The following PTPRT variants were observed in gnomAD, a reference collection of about 807,000 sequenced individuals.
PTPRT encodes the protein receptor-type tyrosine-protein phosphatase T.
In PTPRT, 56 loss-of-function variants were observed where a neutral mutation model predicts 176.8. The ratio of observed to expected loss-of-function variants is 0.32; its 90% CI spans 0.26 to 0.40. PTPRT has a LOEUF of 0.40. Ranked by LOEUF, PTPRT falls within the 10% of genes least tolerant of loss-of-function variation. The probability of loss-of-function intolerance (pLI) is 1.00; values close to 1 mark genes in which losing one functional copy is unlikely to be tolerated. For missense variants in PTPRT, 1,540 were observed against 1,908.2 expected (o/e 0.81, Z 3.60); for synonymous variants, 783 against 739.0 (o/e 1.06, Z -0.96).
intron 1 of PTPRT, among the ~76,000 whole-genome samples, chr20:43,121,446 A>T (rs565488620): frequency 2.0e-5 from 3 of 152,334 alleles, no homozygotes; most frequent in African/African-American, 7.2e-5. Flanking sequence ...GTAGCGATGT[A>T]TGAGAGTTTC....
Position 42,777,245 on chromosome 20 carries a change from A to G in PTPRT, c.568+2973T>C, listed in dbSNP as rs564021795. 2.0e-4 allele frequency among the ~76,000 whole-genome samples: 31 copies of G among 152,266 alleles called. No homozygotes were observed. The South Asian group carries it at 6.4e-3, about 32-fold the overall frequency. ...TTAAACTACTCACGATGCTGCCCAA[A>G]GTCCAGGCTTTCCTGCCCAACATTT... is the stretch of plus-strand genomic sequence containing the variant. On this transcript the variant is annotated intron_variant, in intron 4 of 30. Transcript: ENST00000373187.
intron 18 of PTPRT, among the ~76,000 whole-genome samples, chr20:42,134,504 G>A (rs1273073108): frequency 6.6e-6 from 1 of 152,116 alleles, no homozygotes; most frequent in Admixed American, 6.5e-5. Flanking sequence ...AGGTAGAAGG[G>A]AGACATGGTA....
chr20:43,173,915 T>C (rs1034703140), intron 1 of PTPRT, among the ~76,000 whole-genome samples: 9 of 152,204 alleles, frequency 5.9e-5, no homozygotes, highest in African/African-American at 1.9e-4. Context: ...GAACCTGGAC[T>C]CTGAATGAGA....
chr20:42,995,761 T>G (rs922122765), intron 1 of PTPRT, among the ~76,000 whole-genome samples: 1 of 152,146 alleles, frequency 6.6e-6, no homozygotes, highest in African/African-American at 2.4e-5. Context: ...TCTTTCTTCA[T>G]CCTTTTTTGA....
At chr20:42,199,605 CTA>C (rs1161871911) in intron 15 of PTPRT, among the ~76,000 whole-genome samples, 1 of 152,154 alleles carries the variant, frequency 6.6e-6, no homozygotes, top group Non-Finnish European at 1.5e-5. Flanking sequence ...TGCATGTGTT[CTA>C]TGTTTGAGCC....
At chr20:43,157,224 G>A (rs1343800772) in intron 1 of PTPRT, among the ~76,000 whole-genome samples, 1 of 151,744 alleles carries the variant, frequency 6.6e-6, no homozygotes, top group Non-Finnish European at 1.5e-5. Context: ...GCCAGGCATG[G>A]TGGTACACAC....
At position 42,346,534 on chromosome 20, in the gene PTPRT, TA is replaced by T. The variant is rs548058543; in HGVS notation, c.1865+4093del. Reference sequence around the variant, plus strand: ...CCTGAGGAAAGCAATACAAAAGCAATAAATCTCCATTGTGGAGTGTTAGAAA... The same window carrying T: ...CCTGAGGAAAGCAATACAAAAGCAATAATCTCCATTGTGGAGTGTTAGAAA... On this transcript the variant is annotated intron_variant, in intron 11 of 30. Coordinates refer to ENST00000373187, the MANE Select transcript of PTPRT (RefSeq NM_007050.6). Among the ~76,000 whole-genome samples the T allele has an allele frequency of 3.3e-5, 5 of 152,248 alleles. No individual in the cohort carries two copies. In the South Asian group the frequency reaches 1.0e-3, roughly 32 times the overall value.
chr20:42,043,636 G>C, the PTPRT span, among the ~76,000 whole-genome samples: 1 of 152,152 alleles, frequency 6.6e-6, no homozygotes, highest in Non-Finnish European at 1.5e-5. Flanking sequence ...CCCTTGCAGA[G>C]CCGCTGTGGA....
At chr20:42,050,466 G>A in the PTPRT span, among the ~76,000 whole-genome samples, 93,900 of 151,826 alleles carry the variant, frequency 0.62, 29,880 homozygotes, top group African/African-American at 0.76. Flanking sequence ...CTAGCTCTGA[G>A]TCTCTGCTCT....
intron 7 of PTPRT, among the ~76,000 whole-genome samples, chr20:42,519,577 G>T (rs1455647532): frequency 6.6e-6 from 1 of 151,922 alleles, no homozygotes; most frequent in Non-Finnish European, 1.5e-5. Context: ...CATTTAATAG[G>T]GCTATATTTT....
chr20:42,182,607 A>G (rs1990567439), intron 16 of PTPRT, among the ~76,000 whole-genome samples: 1 of 152,174 alleles, frequency 6.6e-6, no homozygotes, highest in Non-Finnish European at 1.5e-5. Flanking sequence ...AACCTAGATC[A>G]AAGATCCTGA....
At chr20:42,667,891 C>A (rs1021086038) in intron 7 of PTPRT, among the ~76,000 whole-genome samples, 3 of 152,140 alleles carry the variant, frequency 2.0e-5, no homozygotes, top group Non-Finnish European at 4.4e-5. Context: ...AGTGCAGGGT[C>A]TATGTGACTT....
chr20:42,668,582 T>C (rs1382642949), intron 7 of PTPRT, among the ~76,000 whole-genome samples: 1 of 152,006 alleles, frequency 6.6e-6, no homozygotes, highest in Non-Finnish European at 1.5e-5. Flanking sequence ...GGAGAGGGAC[T>C]CCAATGGTGC....
At chr20:42,965,733 T>C (rs543725564) in intron 1 of PTPRT, among the ~76,000 whole-genome samples, 1 of 152,278 alleles carries the variant, frequency 6.6e-6, no homozygotes, top group African/African-American at 2.4e-5. Flanking sequence ...ATGGAAAAAC[T>C]TAACATGGCA....
At chr20:43,052,290 T>G (rs368674222) in intron 1 of PTPRT, among the ~76,000 whole-genome samples, 7 of 152,244 alleles carry the variant, frequency 4.6e-5, no homozygotes, top group African/African-American at 1.7e-4. Flanking sequence ...ACATGTTTAC[T>G]GAACCCACCT....
chr20:43,015,731 C>A (rs1985334811), intron 1 of PTPRT, among the ~76,000 whole-genome samples: 1 of 152,228 alleles, frequency 6.6e-6, no homozygotes, highest in East Asian at 1.9e-4. Flanking sequence ...TGACTCTGGG[C>A]AAATCACACC....
At chr20:42,032,764 C>A in the PTPRT span, among the ~76,000 whole-genome samples, 1 of 152,188 alleles carries the variant, frequency 6.6e-6, no homozygotes, top group Non-Finnish European at 1.5e-5. Flanking sequence ...CTCCTTCTCT[C>A]TCTCTCTCTC....
intron 7 of PTPRT, among the ~76,000 whole-genome samples, chr20:42,506,755 T>A (rs1397381809): frequency 6.6e-6 from 1 of 152,194 alleles, no homozygotes; most frequent in Non-Finnish European, 1.5e-5. Flanking sequence ...GTGATTTTTG[T>A]GTAAGGTTAC....
At chr20:42,854,277 C>T (rs552651940) in intron 2 of PTPRT, among the ~76,000 whole-genome samples, 5 of 152,100 alleles carry the variant, frequency 3.3e-5, no homozygotes, top group East Asian at 3.9e-4. Context: ...TTACTAGGTA[C>T]TGAAAATAGA....
Sources: gnomAD v4.1 joint callset for allele counts (sites outside exome capture counted in the v4.1 genomes callset) on GRCh38, gnomAD v4.1.1 for gene constraint, MANE v1.5 for transcripts, NCBI Gene and HGNC (gene_info 2026-07-23, HGNC 2026-07-21) for gene names.